The following RAD51B variants were observed in gnomAD, a reference collection of about 807,000 sequenced individuals.
RAD51B encodes DNA repair protein RAD51 homolog 2.
Under a neutral mutation model 42.2 loss-of-function variants are expected in RAD51B, and 38 were observed. That is an observed-to-expected ratio of 0.90 (90% confidence interval 0.70 to 1.18). The LOEUF (loss-of-function observed/expected upper bound fraction) is 1.18. Among genes scored for constraint, RAD51B ranks in the 50% most tolerant of loss-of-function variants. The pLI is 0.00. For synonymous variants in RAD51B, 154 were observed against 145.2 expected, an observed-to-expected ratio of 1.06 and a Z score of -0.43; for missense variants, 373 against 400.7, an observed-to-expected ratio of 0.93 and a Z score of 0.59.
At chr14:68,441,007 A>G (rs2085273001) in intron 9 of RAD51B, among the ~76,000 whole-genome samples, 1 of 152,156 alleles carries the variant, frequency 6.6e-6, no homozygotes, top group South Asian at 2.1e-4. Flanking sequence ...AACTTTATAG[A>G]CCTTGGGGTC....
chr14:68,603,287 T>C (rs1269502058), intron 10 of RAD51B, among the ~76,000 whole-genome samples: 3 of 152,310 alleles, frequency 2.0e-5, no homozygotes, highest in East Asian at 1.9e-4. Flanking sequence ...TATGAAATCA[T>C]AAACTGTAGT....
At chr14:68,293,035 T>C (rs1160299215) in intron 8 of RAD51B, among the ~76,000 whole-genome samples, 1 of 152,194 alleles carries the variant, frequency 6.6e-6, no homozygotes, top group Non-Finnish European at 1.5e-5. Flanking sequence ...TGTCCCCTCT[T>C]TTTTGTAATG....
intron 9 of RAD51B, among the ~76,000 whole-genome samples, chr14:68,431,536 C>A (rs189007914): frequency 6.6e-6 from 1 of 152,076 alleles, no homozygotes; most frequent in African/African-American, 2.4e-5. Context: ...AGTTTATTTG[C>A]ACAGAGGTGT....
chr14:67,916,265 AG>A (rs141589183), intron 7 of RAD51B, among the ~76,000 whole-genome samples: 9,094 of 152,110 alleles, frequency 0.06, 638 homozygotes, highest in African/African-American at 0.17. Flanking sequence ...ATTTACTTAA[AG>A]TATTTTTTGT....
chr14:68,009,719 G>A (rs1032639003), intron 7 of RAD51B, among the ~76,000 whole-genome samples: 2 of 151,782 alleles, frequency 1.3e-5, no homozygotes, highest in African/African-American at 4.8e-5. Context: ...CTATAAAATA[G>A]CACCCTTTAG....
chr14:68,451,977 A>G (rs2085567469), intron 9 of RAD51B, among the ~76,000 whole-genome samples: 1 of 152,160 alleles, frequency 6.6e-6, no homozygotes, highest in East Asian at 1.9e-4. Flanking sequence ...TCTTTTTACT[A>G]TAGTAATCAC....
At chr14:68,476,103 T>G (rs546321138) in intron 10 of RAD51B, among the ~76,000 whole-genome samples, 2 of 149,834 alleles carry the variant, frequency 1.3e-5, no homozygotes, top group African/African-American at 4.9e-5. Context: ...TTAGGAGAGA[T>G]GTAGTTAAAT....
At chr14:68,241,184 ACTT>A (rs1354209034) in intron 7 of RAD51B, among the ~76,000 whole-genome samples, 3 of 152,104 alleles carry the variant, frequency 2.0e-5, no homozygotes, top group Admixed American at 2.0e-4. Flanking sequence ...GAATCTAAAA[ACTT>A]CTTCTCTTTC....
chr14:68,045,611 A>C (rs1447994991), intron 7 of RAD51B, among the ~76,000 whole-genome samples: 1 of 152,216 alleles, frequency 6.6e-6, no homozygotes, highest in East Asian at 1.9e-4. Context: ...ATTTTTTTAG[A>C]GAAAAGCATA....
At chr14:68,091,522 A>G (rs1031224756) in intron 7 of RAD51B, among the ~76,000 whole-genome samples, 7 of 152,260 alleles carry the variant, frequency 4.6e-5, no homozygotes, top group East Asian at 1.9e-4. Context: ...GTCTGTTCAT[A>G]TCCTTCACCC....
At chr14:68,680,466 T>C (rs1283351226) in intron 11 of RAD51B, among the ~76,000 whole-genome samples, 1 of 152,244 alleles carries the variant, frequency 6.6e-6, no homozygotes, top group Non-Finnish European at 1.5e-5. Flanking sequence ...TATAATTAAT[T>C]ATATGTTTAT....
chr14:67,967,163 C>T (rs1452968365), intron 7 of RAD51B, among the ~76,000 whole-genome samples: 1 of 152,158 alleles, frequency 6.6e-6, no homozygotes, highest in Non-Finnish European at 1.5e-5. Context: ...GAGACTTATT[C>T]ACTACCACGA....
intron 7 of RAD51B, among the ~76,000 whole-genome samples, chr14:67,988,332 G>T (rs113957058): frequency 1.3e-5 from 2 of 152,090 alleles, no homozygotes; most frequent in Non-Finnish European, 2.9e-5. Flanking sequence ...GGTGGCAGGC[G>T]CCTGTCATCC....
intron 10 of RAD51B, among the ~76,000 whole-genome samples, chr14:68,513,352 A>G (rs1249874877): frequency 6.6e-6 from 1 of 152,238 alleles, no homozygotes; most frequent in African/African-American, 2.4e-5. Context: ...CACTACCTCT[A>G]CCAATTAGTG....
intron 9 of RAD51B, among the ~76,000 whole-genome samples, chr14:68,447,388 A>G (rs1470954189): frequency 6.6e-6 from 1 of 152,102 alleles, no homozygotes; most frequent in Non-Finnish European, 1.5e-5. Flanking sequence ...TTCCTATATT[A>G]TTCCATTCCT....
intron 7 of RAD51B, among the ~76,000 whole-genome samples, chr14:68,162,269 G>C (rs887610046): frequency 6.6e-6 from 1 of 152,046 alleles, no homozygotes; most frequent in Admixed American, 6.5e-5. Context: ...GCAATAGAAC[G>C]TAAATTCCTT....
chr14:68,272,824 A>G (rs1000801770), intron 7 of RAD51B, among the ~76,000 whole-genome samples: 2 of 148,978 alleles, frequency 1.3e-5, no homozygotes, highest in Non-Finnish European at 3.0e-5. Flanking sequence ...AGCTGGGACT[A>G]CAGGTGCCCA....
At chr14:68,388,341 A>G (rs1034355900) in intron 8 of RAD51B, among the ~76,000 whole-genome samples, 1 of 151,700 alleles carries the variant, frequency 6.6e-6, no homozygotes, top group African/African-American at 2.4e-5. Context: ...CAAGTGATCT[A>G]CCCACCTTGG....
At chr14:68,210,215 T>C (rs1167657624) in intron 7 of RAD51B, among the ~76,000 whole-genome samples, 1 of 152,076 alleles carries the variant, frequency 6.6e-6, no homozygotes, top group African/African-American at 2.4e-5. Context: ...TGCCTCAGCC[T>C]CCCAAAGTGC....
Sources: allele counts gnomAD v4.1 joint callset (sites outside exome capture counted in the v4.1 genomes callset), GRCh38; gene constraint gnomAD v4.1.1; transcripts MANE v1.5; gene names NCBI Gene and HGNC (gene_info 2026-07-23, HGNC 2026-07-21).